MED13: variants seen among roughly 807,000 people sequenced by gnomAD.
MED13 encodes the protein mediator complex subunit 13, also known as mediator of RNA polymerase II transcription subunit 13.
A neutral mutation model predicts 225.2 loss-of-function variants in MED13; 23 were observed. The ratio of observed to expected loss-of-function variants is 0.10; its 90% CI spans 0.07 to 0.14. The LOEUF is 0.14. MED13 is among the 10% of genes least tolerant of loss of function. The pLI, the probability that MED13 is intolerant of heterozygous loss-of-function variation, is 1.00. For missense variants in MED13, 2,197 were observed against 2,594.5 expected (o/e 0.85, Z 3.33); for synonymous variants, 942 against 889.2 (o/e 1.06, Z -1.06).
At position 62,026,545 on chromosome 17, in the gene MED13, C is replaced by T. The variant is rs151256131; in HGVS notation, c.1283+2996G>A. 1.7e-3 allele frequency among the ~76,000 whole-genome samples: 260 copies of T among 149,244 alleles called. 1 individual carries two copies. The highest frequency in any genetic ancestry group is 2.8e-3 in the Non-Finnish European group (192 of 67,710). ...TGAAAAGTGGCACAAGATAAGAATG[C>T]CTCCTCTCACTCCTATTCAAAATAG... On this transcript the variant is annotated intron_variant, in intron 8 of 29. Transcript: ENST00000397786.
At chr17:62,034,181 C>T (rs930873540) in intron 4 of MED13, among the ~76,000 whole-genome samples, 197 bp from the exon 5 acceptor site, 3 of 152,140 alleles carry the variant, frequency 2.0e-5, no homozygotes, top group African/African-American at 7.2e-5. Flanking sequence ...ATTATATAAA[C>T]TGTTAAAAAT....
chr17:62,051,320 G>C (rs1315187187), intron 3 of MED13, among the ~76,000 whole-genome samples: 1 of 152,156 alleles, frequency 6.6e-6, no homozygotes, highest in Admixed American at 6.5e-5. Context: ...ACACACGGGA[G>C]GACCATGAAG....
chr17:62,009,343 T>G (rs1216608921), intron 9 of MED13, among the ~76,000 whole-genome samples: 1 of 151,716 alleles, frequency 6.6e-6, no homozygotes. Flanking sequence ...CTATAGCACA[T>G]AAAACTAATG....
At position 62,047,905 on chromosome 17, in the gene MED13, A is replaced by G. The variant is rs1434239292; in HGVS notation, c.470+4632T>C. Among the ~76,000 whole-genome samples the G allele has an allele frequency of 2.6e-5, 4 of 151,562 alleles. No homozygotes were observed. In the East Asian group the frequency reaches 7.7e-4, roughly 29 times the overall value. ...ATTTTCAATTATCAATAGCCTTTTA[A>G]GAGTTTTTCATAAAGAAAGCCGGGT... On this transcript the variant is annotated intron_variant, in intron 3 of 29. Coordinates refer to ENST00000397786, the MANE Select transcript of MED13 (RefSeq NM_005121.3).
intron 18 of MED13, among the ~76,000 whole-genome samples, chr17:61,967,452 G>C (rs2080068732): frequency 5.3e-5 from 8 of 152,198 alleles, no homozygotes; most frequent in Admixed American, 4.6e-4. Flanking sequence ...GATTGTATAA[G>C]GAATCAAAAT....
At chr17:62,046,358 T>C (rs1414522621) in intron 3 of MED13, among the ~76,000 whole-genome samples, 2 of 152,254 alleles carry the variant, frequency 1.3e-5, no homozygotes, top group Non-Finnish European at 2.9e-5. Context: ...TCAGTTATTA[T>C]ACCACAACTA....
intron 11 of MED13, among the ~76,000 whole-genome samples, chr17:61,987,591 A>T (rs2080259354): frequency 6.6e-6 from 1 of 152,150 alleles, no homozygotes; most frequent in African/African-American, 2.4e-5. Flanking sequence ...TTATAGAAAA[A>T]AAAGTTATAA....
intron 11 of MED13, among the ~76,000 whole-genome samples, chr17:61,987,349 G>A (rs2080256835): frequency 6.6e-6 from 1 of 152,054 alleles, no homozygotes; most frequent in Non-Finnish European, 1.5e-5. Context: ...ACGGAGAACT[G>A]CTTGAACCCA....
intron 2 of MED13, among the ~76,000 whole-genome samples, chr17:62,062,361 AG>A (rs1468087465): frequency 6.6e-6 from 1 of 152,236 alleles, no homozygotes; most frequent in Non-Finnish European, 1.5e-5. Context: ...CAAGAAAATA[AG>A]GAAGTAATCA....
At chr17:62,017,241 T>C (rs1446403225) in intron 8 of MED13, among the ~76,000 whole-genome samples, 1 of 128,576 alleles carries the variant, frequency 7.8e-6, no homozygotes, top group South Asian at 2.4e-4. Flanking sequence ...AAAAAAAGCA[T>C]GAAAGATTTG....
At chr17:62,020,691 T>C (rs1000499865) in intron 8 of MED13, among the ~76,000 whole-genome samples, 22 of 117,720 alleles carry the variant, frequency 1.9e-4, no homozygotes, top group African/African-American at 2.6e-4. Context: ...CTTTCTTTTT[T>C]TTTTTTTTTT....
intron 2 of MED13, among the ~76,000 whole-genome samples, chr17:62,058,033 G>C (rs1197852213): frequency 6.6e-6 from 1 of 152,078 alleles, no homozygotes; most frequent in Non-Finnish European, 1.5e-5. Context: ...TCTCCTTCAA[G>C]ACCACATTAA....
intron 2 of MED13, among the ~76,000 whole-genome samples, chr17:62,057,594 TTATC>T (rs1299219794): frequency 3.3e-5 from 5 of 152,346 alleles, no homozygotes; most frequent in Non-Finnish European, 5.9e-5. Flanking sequence ...GCCTGGCTGT[TTATC>T]TATCTGTCAA....
intron 3 of MED13, among the ~76,000 whole-genome samples, chr17:62,038,253 G>A (rs983375100): frequency 8.5e-5 from 13 of 152,088 alleles, no homozygotes; most frequent in Non-Finnish European, 1.8e-4. Context: ...AATTAGCTAG[G>A]TGGGGTGTGG....
intron 21 of MED13, 65 bp from the exon 22 acceptor site, chr17:61,961,844 TCTA>T: frequency 7.1e-7 from 1 of 1,413,376 alleles, no homozygotes; most frequent in Non-Finnish European, 9.7e-7. Flanking sequence ...GAACTGTGGG[TCTA>T]AAACTCTAAA....
intron 8 of MED13, among the ~76,000 whole-genome samples, chr17:62,015,915 C>CACATACATATATATAT (rs1230248036): frequency 1.2e-4 from 1 of 8,608 alleles, no homozygotes; most frequent in South Asian, 6.6e-3. Context: ...ACACTATACA[C>CACATACATATATATAT]ATATATATAT....
chr17:62,045,888 T>TA (rs1287467232), intron 3 of MED13, among the ~76,000 whole-genome samples: 11 of 152,188 alleles, frequency 7.2e-5, no homozygotes, highest in Admixed American at 2.0e-4. Context: ...TAAAGACTGT[T>TA]AAACACACAA....
intron 3 of MED13, among the ~76,000 whole-genome samples, chr17:62,051,115 T>C (rs1026878576): frequency 6.6e-6 from 1 of 152,250 alleles, no homozygotes; most frequent in Non-Finnish European, 1.5e-5. Flanking sequence ...CCTTTCTTCT[T>C]ACTAACAAAA....
At chr17:62,023,549 G>A (rs1217358947) in intron 8 of MED13, among the ~76,000 whole-genome samples, 1 of 152,164 alleles carries the variant, frequency 6.6e-6, no homozygotes, top group East Asian at 1.9e-4. Context: ...AAGGGACTGG[G>A]GAAAGACCCT....
Sources: gnomAD v4.1 joint callset for allele counts (sites outside exome capture counted in the v4.1 genomes callset) on GRCh38, gnomAD v4.1.1 for gene constraint, MANE v1.5 for transcripts, NCBI Gene and HGNC (gene_info 2026-07-23, HGNC 2026-07-21) for gene names.